The following STIP1 variants were observed in gnomAD, a reference collection of about 807,000 sequenced individuals.
The protein encoded by STIP1 is stress-induced-phosphoprotein 1.
STIP1 carries 16 observed loss-of-function variants against 77.4 expected under a neutral mutation model. That is an observed-to-expected ratio of 0.21 (90% confidence interval 0.14 to 0.31). STIP1 has a LOEUF of 0.31. Among genes scored for constraint, STIP1 ranks in the 10% least tolerant of loss-of-function variants. The probability of loss-of-function intolerance (pLI) is 1.00; values close to 1 mark genes in which losing one functional copy is unlikely to be tolerated. For synonymous variants in STIP1, 258 were observed against 246.6 expected, an observed-to-expected ratio of 1.05 and a Z score of -0.44; for missense variants, 524 against 684.8, an observed-to-expected ratio of 0.77 and a Z score of 2.62.
At chr11:64,186,292 G>A in intron 1 of STIP1, 22 bp downstream of exon 1, 1 of 1,538,278 alleles carries the variant, frequency 6.5e-7, no homozygotes, top group Non-Finnish European at 8.8e-7. Flanking sequence ...GGGGCGGGCT[G>A]AGGCCCCGAG....
chr11:64,195,357 C>CT (rs1433720051), intron 4 of STIP1, among the ~76,000 whole-genome samples: 2 of 152,192 alleles, frequency 1.3e-5, no homozygotes, highest in Non-Finnish European at 2.9e-5. Flanking sequence ...CTCAAGTGGT[C>CT]TGCCCGCCTC....
At chr11:64,197,721 GA>G in intron 7 of STIP1, 126 bp downstream of exon 7, 2 of 1,546,630 alleles carry the variant, frequency 1.3e-6, no homozygotes, top group South Asian at 2.3e-5. Flanking sequence ...GGGCTGGCAA[GA>G]AGGTCACCAG....
upstream of STIP1, chr11:64,186,105 G>A (rs959770875): frequency 1.9e-6 from 3 of 1,550,490 alleles, no homozygotes; most frequent in Non-Finnish European, 2.6e-6. Flanking sequence ...GAGCAGCACA[G>A]ACATTCCCCC....
intron 1 of STIP1, among the ~76,000 whole-genome samples, chr11:64,187,996 C>T (rs1000448855): frequency 1.3e-5 from 2 of 149,888 alleles, no homozygotes; most frequent in Non-Finnish European, 3.0e-5. Flanking sequence ...GAGCGAGACT[C>T]CGTCTCCCTC....
intron 1 of STIP1, among the ~76,000 whole-genome samples, chr11:64,192,871 C>G (rs1182730133): frequency 6.6e-6 from 1 of 152,202 alleles, no homozygotes; most frequent in Non-Finnish European, 1.5e-5. Flanking sequence ...GGAGTGCAGC[C>G]TGGGCTCTTT....
chr11:64,194,609 T>C lies in STIP1; in HGVS notation c.492T>C (p.Ser164=), dbSNP rs141810641. The C allele has an allele frequency of 3.7e-5, 59 of 1,613,804 alleles. No homozygotes were observed. In the African/African-American group the frequency reaches 6.0e-4, roughly 16 times the overall value. ...TAGAGCAGCTACGAAACAAGCCTTCTGACCTGGGCACGTAAGTGGACGCCG... is the reference window on the plus strand; with the variant it reads ...TAGAGCAGCTACGAAACAAGCCTTCCGACCTGGGCACGTAAGTGGACGCCG... ...ELIEQLRNKP[S]DLGTKLQDPR... is the part of the protein sequence containing the mutation. Residue 164 remains serine (S), a synonymous_variant, in exon 4 of 14, where the codon TCT becomes TCC. Coordinates refer to ENST00000305218, the MANE Select transcript of STIP1 (RefSeq NM_006819.3).
intron 1 of STIP1, among the ~76,000 whole-genome samples, chr11:64,189,326 A>C (rs1481980883): frequency 6.7e-6 from 1 of 150,144 alleles, no homozygotes; most frequent in African/African-American, 2.5e-5. Flanking sequence ...GCGCCACTGC[A>C]CTCCAGACTG....
At chr11:64,190,652 GA>G (rs1946082213) in intron 1 of STIP1, among the ~76,000 whole-genome samples, 4 of 152,152 alleles carry the variant, frequency 2.6e-5, no homozygotes, top group Admixed American at 2.0e-4. Context: ...GTCGTGGGTG[GA>G]TAATACATAG....
rs551493090 is a variant in STIP1, at chr11:64,186,676, C to T, written c.9+406C>T. ...GGTCCGCACCCGCGAGGTAGCCCTC[C>T]GGGAGATCTCAGACGGCCGACGGAG... On this transcript the variant is annotated intron_variant, in intron 1 of 13. Transcript: ENST00000305218. Among the ~76,000 whole-genome samples the T allele has an allele frequency of 1.1e-4, 16 of 152,280 alleles. No individual in the cohort carries two copies. The South Asian group carries it at 3.3e-3, about 32-fold the overall frequency.
chr11:64,191,757 CTTT>C (rs879445704), intron 1 of STIP1, among the ~76,000 whole-genome samples: 1 of 142,988 alleles, frequency 7.0e-6, no homozygotes. Flanking sequence ...GCCTGCCTCA[CTTT>C]TTTTTTTTTT....
intron 1 of STIP1, among the ~76,000 whole-genome samples, chr11:64,191,954 G>A (rs1398234796): frequency 6.6e-6 from 1 of 151,792 alleles, no homozygotes; most frequent in African/African-American, 2.4e-5. Context: ...TTGGGTGGCC[G>A]GGCAGAGGCG....
rs769716675 is a variant in STIP1, at chr11:64,200,035, A to C, written c.1119A>C (p.Lys373Asn). 1 of 1,614,176 alleles carries C rather than the reference A, an allele frequency of 6.2e-7. No homozygotes were observed. The highest frequency in any genetic ancestry group is 8.5e-7 in the Non-Finnish European group (1 of 1,180,028). The change falls in exon 9 of 14, where the codon AAA (lysine) becomes AAC (asparagine). Residue 373 changes from lysine to asparagine, a missense_variant and splice_region_variant. Transcript: ENST00000305218. ...ACAAAGGCAACGAGTGTTTTCAGAA[A>C]GGTACTGCCTGCAGCTGGGGGATTG... ...EKNKGNECFQ[K>N]GDYPQAMKHY...
intron 10 of STIP1, chr11:64,202,415 T>C (rs1396247949): frequency 6.7e-6 from 1 of 148,838 alleles, no homozygotes; most frequent in East Asian, 1.9e-4. Context: ...TTTTTTTTTT[T>C]TTTTTTTTTT....
At chr11:64,197,123 C>G (rs542611067) in intron 5 of STIP1, 148 bp from the exon 6 acceptor site, 2 of 1,000,914 alleles carry the variant, frequency 2.0e-6, no homozygotes, top group Non-Finnish European at 2.9e-6. Context: ...ACTTTATTGT[C>G]TATAGCTGAC....
At chr11:64,189,672 T>C (rs1193170235) in intron 1 of STIP1, among the ~76,000 whole-genome samples, 4 of 152,176 alleles carry the variant, frequency 2.6e-5, no homozygotes, top group African/African-American at 7.2e-5. Context: ...GTATTTACTG[T>C]TATGTGCACT....
chr11:64,186,500 C>A, intron 1 of STIP1: 1 of 382,156 alleles, frequency 2.6e-6, no homozygotes, highest in Non-Finnish European at 4.3e-6. Flanking sequence ...GCGAGGAGGG[C>A]CCGGCGGAGG....
At chr11:64,187,825 C>T (rs1364812882) in intron 1 of STIP1, among the ~76,000 whole-genome samples, 2 of 151,622 alleles carry the variant, frequency 1.3e-5, no homozygotes, top group Non-Finnish European at 2.9e-5. Context: ...CACAGTGAAA[C>T]CCCGTCTCTA....
At position 64,197,947 on chromosome 11, in the gene STIP1, C is replaced by A. The variant is rs375422757; in HGVS notation, c.996C>A (p.Thr332=). The A allele has an allele frequency of 2.0e-5, 33 of 1,613,442 alleles. No homozygotes were observed. The African/African-American group carries it at 4.3e-4, about 21-fold the overall frequency. ...ACAAGTCTCTGGCAGAGCACCGAAC[C>A]CCAGATGTGCTCAAGAAATGCCAGC... ...FYNKSLAEHR[T]PDVLKKCQQA... is the part of the protein sequence containing the mutation. The change falls in exon 8 of 14, where the codon ACC becomes ACA. Residue 332 remains threonine (T), a synonymous_variant. Transcript: ENST00000305218.
At chr11:64,194,993 TATCA>T (rs1426090691) in intron 4 of STIP1, among the ~76,000 whole-genome samples, 2 of 152,232 alleles carry the variant, frequency 1.3e-5, no homozygotes, top group African/African-American at 4.8e-5. Context: ...TATTCATCTC[TATCA>T]ATCCTCTGGC....
Sources: gnomAD v4.1 joint callset for allele counts (sites outside exome capture counted in the v4.1 genomes callset) on GRCh38, gnomAD v4.1.1 for gene constraint, MANE v1.5 for transcripts, NCBI Gene and HGNC (gene_info 2026-07-23, HGNC 2026-07-21) for gene names.